The following CCDC149 variants were observed in gnomAD, a reference collection of about 807,000 sequenced individuals.
CCDC149 encodes coiled-coil domain containing 149, also known as coiled-coil domain-containing protein 149.
A neutral mutation model predicts 59.9 loss-of-function variants in CCDC149; 45 were observed. The ratio of observed to expected loss-of-function variants is 0.75; its 90% confidence interval spans 0.59 to 0.96. The LOEUF is 0.96. CCDC149 is among the 40% of genes least tolerant of loss of function. The pLI is 0.00. For synonymous variants in CCDC149, 245 were observed against 260.6 expected (o/e 0.94, Z 0.58); for missense variants, 584 against 664.7 (o/e 0.88, Z 1.33).
intron 3 of CCDC149, among the ~76,000 whole-genome samples, chr4:24,859,331 C>T (rs928836209): frequency 3.9e-5 from 6 of 152,146 alleles, no homozygotes; most frequent in African/African-American, 1.4e-4. Flanking sequence ...ATGTACTAAA[C>T]GCATTTTCAA....
At chr4:24,904,824 C>T (rs190743972) in intron 1 of CCDC149, among the ~76,000 whole-genome samples, 7 of 152,300 alleles carry the variant, frequency 4.6e-5, no homozygotes, top group Non-Finnish European at 7.3e-5. Flanking sequence ...TATTTGCCAT[C>T]CCTCTTCTTC....
chr4:24,919,426 T>C lies in CCDC149; in HGVS notation c.-64-24308A>G, dbSNP rs139226035. Among the ~76,000 whole-genome samples, 140 of 152,088 alleles carry C rather than the reference T, an allele frequency of 9.2e-4. 1 individual carries two copies. The East Asian group carries it at 0.022, about 24-fold the overall frequency. The stretch of plus-strand genomic sequence containing the variant: ...GAAATGAACCGTAAAACTAGGTCCA[T>C]TGGGTACACATAAAAATGGTTAAAA... On this transcript the variant is annotated intron_variant, in intron 1 of 12. Transcript: ENST00000389609.
intron 1 of CCDC149, among the ~76,000 whole-genome samples, chr4:24,878,216 T>TAAAAA (rs66494953): frequency 1.9e-4 from 24 of 125,122 alleles, no homozygotes; most frequent in African/African-American, 6.5e-4. Context: ...TTTTTTTTCC[T>TAAAAA]AAAAAAAAAA....
rs1003455081 is a variant in CCDC149 at position 24,898,191 on chromosome 4, A to G, written c.63+14626T>C. On this transcript the variant is annotated intron_variant, in intron 1 of 12. Transcript: ENST00000635206. ...GAAGGGTTTTCCCAAAGCCCAGGCAAGGATAGGAGCATCGCCTCACCTGGA... is the reference window on the plus strand; with the variant it reads ...GAAGGGTTTTCCCAAAGCCCAGGCAGGGATAGGAGCATCGCCTCACCTGGA... 5.3e-5 allele frequency among the ~76,000 whole-genome samples: 8 copies of G among 152,332 alleles called. No homozygotes were observed. The East Asian group carries it at 9.6e-4, about 18-fold the overall frequency.
intron 1 of CCDC149, among the ~76,000 whole-genome samples, chr4:24,941,449 G>T (rs1022583676): frequency 2.6e-5 from 4 of 152,186 alleles, no homozygotes; most frequent in African/African-American, 4.8e-5. Context: ...AAGCAGGAAA[G>T]ATCTAAAATT....
upstream of CCDC149, among the ~76,000 whole-genome samples, chr4:24,913,354 C>T (rs897846660): frequency 1.3e-5 from 2 of 152,212 alleles, no homozygotes; most frequent in African/African-American, 4.8e-5. Flanking sequence ...TCCCCGAGGG[C>T]AGGGGTTTCC....
intron 3 of CCDC149, among the ~76,000 whole-genome samples, chr4:24,861,766 A>G (rs375309284): frequency 2.6e-5 from 4 of 152,224 alleles, no homozygotes; most frequent in Non-Finnish European, 4.4e-5. Context: ...CAAATCTGAC[A>G]GCCCTAAATC....
At chr4:24,829,002 T>C (rs1381497214) in intron 9 of CCDC149, 1 of 152,442 alleles carries the variant, frequency 6.6e-6, no homozygotes, top group African/African-American at 2.4e-5. Context: ...TGGGATCCTC[T>C]GCAGAGGCAT....
At chr4:24,902,369 C>G (rs912376272) in intron 1 of CCDC149, among the ~76,000 whole-genome samples, 3 of 152,212 alleles carry the variant, frequency 2.0e-5, no homozygotes, top group Admixed American at 2.0e-4. Flanking sequence ...TTAAAAAAAG[C>G]ATTCAGTGCC....
intron 9 of CCDC149, chr4:24,827,805 A>G (rs800457): frequency 0.87 from 132,062 of 152,240 alleles, 57,434 homozygotes; most frequent in African/African-American, 0.91. Flanking sequence ...AAACCAGCAT[A>G]GGAGCATACG....
chr4:24,955,302 A>T (rs1723434603), intron 1 of CCDC149, among the ~76,000 whole-genome samples: 2 of 152,174 alleles, frequency 1.3e-5, no homozygotes. Flanking sequence ...CATATTCTGC[A>T]TTTGAGTAGC....
At chr4:24,836,538 G>T (rs201431780) in intron 6 of CCDC149, 30 bp from the exon 7 acceptor site, 3 of 1,433,802 alleles carry the variant, frequency 2.1e-6, no homozygotes, top group East Asian at 4.6e-5. Context: ...ACTAGGAGGT[G>T]TTTAAGGGCT....
chr4:24,813,489 AATATATATATAT>A (rs57650226), intron 12 of CCDC149, among the ~76,000 whole-genome samples: 54,764 of 113,578 alleles, frequency 0.48, 12,588 homozygotes, highest in Admixed American at 0.58. Context: ...CAGCTTGGGG[AATATATATATAT>A]ATATATATAT....
chr4:24,962,861 T>C (rs1723678600), intron 1 of CCDC149, among the ~76,000 whole-genome samples: 1 of 150,696 alleles, frequency 6.6e-6, no homozygotes, highest in Non-Finnish European at 1.5e-5. Flanking sequence ...TGTGTACATG[T>C]ACCCTAAAAC....
At chr4:24,836,051 T>C (rs1251773259) in intron 7 of CCDC149, among the ~76,000 whole-genome samples, 1 of 152,190 alleles carries the variant, frequency 6.6e-6, no homozygotes, top group Non-Finnish European at 1.5e-5. Context: ...TTCTTATGGG[T>C]GATTACGACA....
At chr4:24,874,856 T>C (rs1719309565) in intron 2 of CCDC149, among the ~76,000 whole-genome samples, 1 of 152,200 alleles carries the variant, frequency 6.6e-6, no homozygotes, top group Non-Finnish European at 1.5e-5. Flanking sequence ...GAATGAAAAC[T>C]AGCATTATGC....
intron 3 of CCDC149, among the ~76,000 whole-genome samples, chr4:24,866,603 G>A (rs972067376): frequency 9.9e-5 from 15 of 151,964 alleles, no homozygotes; most frequent in Admixed American, 1.3e-4. Context: ...AATATCCCAC[G>A]AGAAGCTATT....
At chr4:24,866,471 T>C (rs969034090) in intron 3 of CCDC149, among the ~76,000 whole-genome samples, 2 of 152,182 alleles carry the variant, frequency 1.3e-5, no homozygotes, top group Admixed American at 1.3e-4. Context: ...AGGAACTGCT[T>C]GTTTAGCAAA....
chr4:24,853,085 T>C lies in CCDC149; in HGVS notation c.359A>G (p.Gln120Arg). The C allele has an allele frequency of 6.2e-7, 1 of 1,610,724 alleles. No individual in the cohort carries two copies. Among genetic ancestry groups the C allele is most frequent in the Non-Finnish European group, 8.5e-7 (1 of 1,176,898 alleles). ...TACTCACAGTACCTTGTTGTCGCCC[T>C]GGACTTCTCCAAGCCTTTGCTGAAG... The change falls in exon 4 of 13, where the codon CAG (glutamine) becomes CGG (arginine). Residue 120 changes from glutamine (Q) to arginine (R), a missense_variant. Physicochemically the swap from Gln to Arg is conservative, Grantham distance 43. Coordinates refer to ENST00000635206, the MANE Select transcript of CCDC149 (RefSeq NM_001330643.2).
Sources: allele counts gnomAD v4.1 joint callset (sites outside exome capture counted in the v4.1 genomes callset), GRCh38; gene constraint gnomAD v4.1.1; transcripts MANE v1.5; gene names NCBI Gene and HGNC (gene_info 2026-07-23, HGNC 2026-07-21).